GRIK4: variants seen among roughly 807,000 people sequenced by gnomAD.
GRIK4 encodes the protein glutamate receptor ionotropic, kainate 4.
Under a neutral mutation model 104.9 loss-of-function variants are expected in GRIK4, and 40 were observed. The ratio of observed to expected loss-of-function variants is 0.38; its 90% CI spans 0.30 to 0.50. The LOEUF is 0.50. Among genes scored for constraint, GRIK4 ranks in the 20% least tolerant of loss-of-function variants. The probability of loss-of-function intolerance (pLI) is 0.93; values close to 1 mark genes in which losing one functional copy is unlikely to be tolerated. For missense variants in GRIK4, 1,047 were observed against 1,308.1 expected, an observed-to-expected ratio of 0.80 and a Z score of 3.08; for synonymous variants, 485 against 524.9, an observed-to-expected ratio of 0.92 and a Z score of 1.04.
chr11:120,690,276 A>G (rs1950337641), intron 3 of GRIK4, among the ~76,000 whole-genome samples: 1 of 152,170 alleles, frequency 6.6e-6, no homozygotes, highest in Non-Finnish European at 1.5e-5. Context: ...AGAGCATGGT[A>G]AGATGTTTGT....
intron 11 of GRIK4, among the ~76,000 whole-genome samples, chr11:120,893,073 A>G (rs1412415179): frequency 6.6e-6 from 1 of 152,240 alleles, no homozygotes; most frequent in Non-Finnish European, 1.5e-5. Context: ...GTATCAAGGC[A>G]CAGTGTAATA....
intron 3 of GRIK4, among the ~76,000 whole-genome samples, chr11:120,792,433 C>T (rs544517770): frequency 1.4e-4 from 22 of 151,908 alleles, no homozygotes; most frequent in East Asian, 5.8e-4. Context: ...CACTTCAAAG[C>T]GCACACTCTG....
At chr11:120,976,053 T>C (rs1417099312) in intron 19 of GRIK4, among the ~76,000 whole-genome samples, 1 of 152,248 alleles carries the variant, frequency 6.6e-6, no homozygotes, top group Non-Finnish European at 1.5e-5. Flanking sequence ...TGGAATCAAA[T>C]TGATCTAGAA....
At chr11:120,623,128 C>T (rs1305018300) in intron 1 of GRIK4, among the ~76,000 whole-genome samples, 1 of 152,088 alleles carries the variant, frequency 6.6e-6, no homozygotes, top group Non-Finnish European at 1.5e-5. Context: ...TTGGAGCCAG[C>T]CCCTGTACTC....
rs548791673 is a variant in GRIK4, at chr11:120,812,409, A to G, written c.248-2969A>G. ...TCTAGGCCTCAGCTTCCCCAGCTGT[A>G]AAGTGGAGATAAAAATGAATTTTCC... is the stretch of plus-strand genomic sequence containing the variant. On this transcript the variant is annotated intron_variant, in intron 4 of 20. Transcript: ENST00000527524. Among the ~76,000 whole-genome samples the G allele has an allele frequency of 2.7e-3, 405 of 152,354 alleles. 5 individuals carry two copies. Among genetic ancestry groups the G allele is most frequent in the Middle Eastern group, 0.017 (5 of 294 alleles).
intron 1 of GRIK4, among the ~76,000 whole-genome samples, chr11:120,525,747 A>T (rs547125451): frequency 6.6e-6 from 1 of 152,216 alleles, no homozygotes; most frequent in East Asian, 1.9e-4. Context: ...GAGCGGCCTT[A>T]ACTGGGGCAC....
At chr11:120,714,893 G>A (rs932197740) in intron 3 of GRIK4, among the ~76,000 whole-genome samples, 2 of 152,190 alleles carry the variant, frequency 1.3e-5, no homozygotes, top group African/African-American at 2.4e-5. Flanking sequence ...CCTAGTATAA[G>A]GGAAAGCTAC....
intron 8 of GRIK4, among the ~76,000 whole-genome samples, chr11:120,861,093 C>CTT (rs547199127): frequency 0.025 from 2,193 of 86,260 alleles, 211 homozygotes; most frequent in Non-Finnish European, 0.032. Context: ...AAATCATCCT[C>CTT]TTTTTTTTTT....
intron 1 of GRIK4, among the ~76,000 whole-genome samples, chr11:120,522,353 G>A (rs948239395): frequency 1.3e-5 from 2 of 150,806 alleles, no homozygotes; most frequent in South Asian, 2.1e-4. Context: ...ATGGAGTCTC[G>A]CTCGGTTGCC....
rs191791783 is a variant in GRIK4, at chr11:120,537,555, A to T, written c.-159+25668A>T. On this transcript the variant is annotated intron_variant, in intron 1 of 20. Coordinates refer to ENST00000527524, the MANE Select transcript of GRIK4 (RefSeq NM_014619.5). ...AGTCCTACCTGGATGCCCACAGTGAAGGAAGCAAACACACATGTCTCCTGG... is the reference window on the plus strand; with the variant it reads ...AGTCCTACCTGGATGCCCACAGTGATGGAAGCAAACACACATGTCTCCTGG... Among the ~76,000 whole-genome samples, 14 of 152,264 alleles carry T rather than the reference A, an allele frequency of 9.2e-5. No homozygotes were observed. In the East Asian group the frequency reaches 2.3e-3, roughly 25 times the overall value.
chr11:120,910,357 G>A lies in GRIK4; in HGVS notation c.1476+4864G>A, dbSNP rs1942964017. 2.6e-5 allele frequency among the ~76,000 whole-genome samples: 4 copies of A among 152,196 alleles called. No individual in the cohort carries two copies. In the South Asian group the frequency reaches 8.3e-4, roughly 31 times the overall value. On this transcript the variant is annotated intron_variant, in intron 13 of 20. Coordinates refer to ENST00000527524, the MANE Select transcript of GRIK4 (RefSeq NM_014619.5). ...CTTTTCCTGTAATCCCATTAAAAGG[G>A]GAAGTGTGGTTGGAGTGAAGGCAAG... is the stretch of plus-strand genomic sequence containing the variant.
intron 3 of GRIK4, among the ~76,000 whole-genome samples, chr11:120,678,670 G>A (rs576491608): frequency 6.6e-6 from 1 of 151,136 alleles, no homozygotes; most frequent in Non-Finnish European, 1.5e-5. Context: ...GTCTTGCTCC[G>A]TCATCCAGGC....
In GRIK4 at chr11:120,584,378, G is replaced by A. The variant is rs531692664; in HGVS notation, c.-158-69307G>A. Among the ~76,000 whole-genome samples the A allele has an allele frequency of 1.2e-3, 176 of 152,348 alleles. 2 individuals are homozygous for A. The highest frequency in any genetic ancestry group is 7.9e-3 in the South Asian group (38 of 4,824). On this transcript the variant is annotated intron_variant, in intron 1 of 20. Transcript: ENST00000527524. ...GTTTAATTGGCTCACAGATCTGCAG[G>A]CTTTACAGGAAGCATGGTGCTGGTA...
chr11:120,938,458 T>C (rs1943644862), intron 13 of GRIK4, among the ~76,000 whole-genome samples: 1 of 152,220 alleles, frequency 6.6e-6, no homozygotes, highest in Admixed American at 6.5e-5. Flanking sequence ...TAAGCTGTGC[T>C]GGATCGTGTG....
At chr11:120,817,035 A>G (rs887588854) in intron 5 of GRIK4, among the ~76,000 whole-genome samples, 3 of 152,134 alleles carry the variant, frequency 2.0e-5, no homozygotes, top group East Asian at 1.9e-4. Flanking sequence ...GCTTAAATCT[A>G]TGGCAGGTCA....
At chr11:120,625,376 G>A (rs1335027923) in intron 1 of GRIK4, among the ~76,000 whole-genome samples, 1 of 152,142 alleles carries the variant, frequency 6.6e-6, no homozygotes, top group Non-Finnish European at 1.5e-5. Context: ...GGCCGGAAAG[G>A]GGACACAGAG....
intron 1 of GRIK4, among the ~76,000 whole-genome samples, chr11:120,536,506 G>C (rs1198300770): frequency 6.6e-6 from 1 of 152,242 alleles, no homozygotes; most frequent in African/African-American, 2.4e-5. Flanking sequence ...ATTGATTACA[G>C]ATTGGGGGGG....
intron 11 of GRIK4, among the ~76,000 whole-genome samples, chr11:120,897,904 C>G (rs1177122222): frequency 6.6e-6 from 1 of 152,040 alleles, no homozygotes; most frequent in Non-Finnish European, 1.5e-5. Context: ...GGAACACCCA[C>G]TGGCACATAC....
chr11:120,878,494 T>C (rs1954877870), intron 11 of GRIK4, among the ~76,000 whole-genome samples: 1 of 152,214 alleles, frequency 6.6e-6, no homozygotes, highest in Admixed American at 6.5e-5. Context: ...CAGTGTTGGA[T>C]GGAATCTGCT....
Sources: gnomAD v4.1 joint callset for allele counts (sites outside exome capture counted in the v4.1 genomes callset) on GRCh38, gnomAD v4.1.1 for gene constraint, MANE v1.5 for transcripts, NCBI Gene and HGNC (gene_info 2026-07-23, HGNC 2026-07-21) for gene names.